OTUD7A: variants seen among roughly 807,000 people sequenced by gnomAD.
OTUD7A encodes OTU domain-containing protein 7A.
Under a neutral mutation model 65.7 loss-of-function variants are expected in OTUD7A, and 12 were observed. The observed-to-expected ratio is 0.18, with a 90% CI of 0.12 to 0.30. The LOEUF (loss-of-function observed/expected upper bound fraction) is 0.30. OTUD7A is among the 10% of genes least tolerant of loss of function. The pLI is 1.00. For synonymous variants in OTUD7A, 641 were observed against 586.3 expected (o/e 1.09, Z -1.35); for missense variants, 1,148 against 1,304.8 (o/e 0.88, Z 1.85).
intron 3 of OTUD7A, among the ~76,000 whole-genome samples, chr15:31,648,081 T>C (rs944984529): frequency 5.9e-5 from 9 of 151,968 alleles, no homozygotes; most frequent in African/African-American, 1.9e-4. Flanking sequence ...TTGGAGGAAA[T>C]GGAGTTACCT....
At chr15:31,611,684 A>C (rs1890427468) in intron 3 of OTUD7A, among the ~76,000 whole-genome samples, 1 of 152,226 alleles carries the variant, frequency 6.6e-6, no homozygotes, top group African/African-American at 2.4e-5. Context: ...AACAAAAAAA[A>C]GTCCAGGACC....
intron 8 of OTUD7A, among the ~76,000 whole-genome samples, chr15:31,516,563 G>A (rs7178830): frequency 0.33 from 50,715 of 151,982 alleles, 8,762 homozygotes; most frequent in Middle Eastern, 0.39. Context: ...TGTAGAGGGT[G>A]TAACAGAAAC....
chr15:31,767,413 C>T, intron 1 of OTUD7A: 4 of 775,286 alleles, frequency 5.2e-6, no homozygotes, highest in Non-Finnish European at 9.6e-6. Context: ...TCAAATCCAA[C>T]ATAAGTTGGA....
At chr15:31,730,116 CCTCT>C (rs1230661155) in intron 1 of OTUD7A, among the ~76,000 whole-genome samples, 1 of 152,206 alleles carries the variant, frequency 6.6e-6, no homozygotes, top group Admixed American at 6.5e-5. Context: ...ACATCTGCTT[CCTCT>C]CTCTCTGCCA....
At position 31,483,952 on chromosome 15, in the gene OTUD7A, C is replaced by A; in HGVS notation, c.2144G>T (p.Arg715Leu). 2 of 1,121,560 alleles carry A rather than the reference C, an allele frequency of 1.8e-6. No homozygotes were observed. Among genetic ancestry groups the A allele is most frequent in the Non-Finnish European group, 2.2e-6 (2 of 909,500 alleles). 69.5% of individuals were successfully genotyped at this position (1,121,560 alleles called of 1,614,324 possible). ...PETEGVPVPE[R>L]ASPGPPTQLV... ...CTGCGTGGGTGGGCCCGGAGAGGCG[C>A]GCTCCGGGACCGGCACGCCCTCCGT... The change falls in exon 13 of 13, where the codon CGC (arginine) becomes CTC (leucine). Residue 715 changes from arginine (R) to leucine (L), a missense_variant. Arg to Leu is a moderately radical substitution (Grantham distance 102). This residue lies in a region of OTUD7A where 842 missense variants were observed against 769.5 expected (regional missense o/e 1.09). Coordinates refer to ENST00000307050, the MANE Select transcript of OTUD7A (RefSeq NM_001382637.1).
At chr15:31,750,129 C>A (rs915053881) in intron 1 of OTUD7A, among the ~76,000 whole-genome samples, 2 of 152,062 alleles carry the variant, frequency 1.3e-5, no homozygotes, top group African/African-American at 4.8e-5. Context: ...AATGTTCGAC[C>A]GGGCATGGTG....
intron 1 of OTUD7A, among the ~76,000 whole-genome samples, chr15:31,724,900 G>A (rs1893842066): frequency 6.6e-6 from 1 of 152,090 alleles, no homozygotes; most frequent in Non-Finnish European, 1.5e-5. Context: ...CAGGGGTGGG[G>A]GGCACGAAAG....
At position 31,736,181 on chromosome 15, in the gene OTUD7A, A is replaced by C. The variant is rs565001699; in HGVS notation, c.-99-79104T>G. ...CCCACAACACAAGTTTACCTTTGTA[A>C]CAAACATGTGCCCCTGAACTTAAAA... On this transcript the variant is annotated intron_variant, in intron 1 of 12. Transcript: ENST00000307050. 1.1e-4 allele frequency among the ~76,000 whole-genome samples: 16 copies of C among 152,326 alleles called. No homozygotes were observed. The East Asian group carries it at 3.1e-3, about 29-fold the overall frequency.
intron 1 of OTUD7A, chr15:31,767,887 T>C: frequency 7.1e-7 from 1 of 1,418,182 alleles, no homozygotes; most frequent in South Asian, 1.2e-5. Flanking sequence ...GTGGCAACGT[T>C]GCAGGAAATC....
At position 31,720,841 on chromosome 15, in the gene OTUD7A, A is replaced by G. The variant is rs1893717933; in HGVS notation, c.-99-63764T>C. 2.0e-5 allele frequency among the ~76,000 whole-genome samples: 3 copies of G among 151,362 alleles called. No individual in the cohort carries two copies. In the South Asian group the frequency reaches 6.4e-4, roughly 32 times the overall value. On this transcript the variant is annotated intron_variant, in intron 1 of 12. Transcript: ENST00000307050. ...GCTCACTCACTGACTCACCCAGAGC[A>G]GCTCCCAGTCCTGCAAGCTCCATCC...
At chr15:31,500,708 C>T (rs1387308144) in intron 10 of OTUD7A, among the ~76,000 whole-genome samples, 1 of 152,222 alleles carries the variant, frequency 6.6e-6, no homozygotes, top group Non-Finnish European at 1.5e-5. Context: ...CTGAGCTGCA[C>T]ACTCAGTGGA....
intron 1 of OTUD7A, among the ~76,000 whole-genome samples, chr15:31,677,950 T>C (rs1333453991): frequency 6.6e-6 from 1 of 152,226 alleles, no homozygotes; most frequent in African/African-American, 2.4e-5. Flanking sequence ...CTGAGTGGCT[T>C]TGATCAAAAT....
rs545872515 is a variant in OTUD7A, at chr15:31,618,600, T to C, written c.151+36496A>G. 3.7e-4 allele frequency among the ~76,000 whole-genome samples: 57 copies of C among 152,348 alleles called. 1 individual carries two copies. The South Asian group carries it at 9.5e-3, about 25-fold the overall frequency. On this transcript the variant is annotated intron_variant, in intron 3 of 12. Transcript: ENST00000307050. ...TTCTTTTGAGAAGCGTCTGTTCATA[T>C]CCTTTGCCCACTTGTTGATGGGGTT...
chr15:31,818,321 A>G (rs1357446703), intron 1 of OTUD7A, among the ~76,000 whole-genome samples: 1 of 152,350 alleles, frequency 6.6e-6, no homozygotes, highest in East Asian at 1.9e-4. Flanking sequence ...TGTATCTTTA[A>G]AAAATAAAAG....
intron 1 of OTUD7A, among the ~76,000 whole-genome samples, chr15:31,667,510 AC>A (rs1270550954): frequency 7.9e-5 from 12 of 152,172 alleles, no homozygotes; most frequent in African/African-American, 2.7e-4. Flanking sequence ...CTTTAAGTTT[AC>A]GTGAGTCCTT....
chr15:31,484,374 C>G lies in OTUD7A; in HGVS notation c.1722G>C (p.Ser574=). The change falls in exon 13 of 13, where the codon TCG becomes TCC. Residue 574 remains serine (S), a synonymous_variant. Transcript: ENST00000307050. This position sits in a 1 kb window ranked among gnomAD's most constrained non-coding sequence, Gnocchi z 4.5. ...CAGACTCCTCCTTGCTGCCCTTGCG[C>G]GACTTGGCCTTCTTCTCCTTGCCCC... ...AERGKEKKAK[S]RKGSKEESGA... The G allele has an allele frequency of 6.2e-7, 1 of 1,601,178 alleles. No individual in the cohort carries two copies. Among genetic ancestry groups the G allele is most frequent in the South Asian group, 1.1e-5 (1 of 91,040 alleles).
intron 1 of OTUD7A, among the ~76,000 whole-genome samples, chr15:31,781,792 T>C (rs1567020140): frequency 6.6e-6 from 1 of 152,218 alleles, no homozygotes; most frequent in Non-Finnish European, 1.5e-5. Flanking sequence ...CTGCTTCCAA[T>C]GAAAATGGCT....
chr15:31,698,122 C>G (rs1893126323), intron 1 of OTUD7A, among the ~76,000 whole-genome samples: 1 of 152,258 alleles, frequency 6.6e-6, no homozygotes, highest in African/African-American at 2.4e-5. Flanking sequence ...TAAAATTATG[C>G]TAGTGACAAT....
In OTUD7A at chr15:31,829,763, G is replaced by C. The variant is rs1475749678; in HGVS notation, c.-100+40744C>G. Among the ~76,000 whole-genome samples, 5 of 152,166 alleles carry C rather than the reference G, an allele frequency of 3.3e-5. No homozygotes were observed. In the East Asian group the frequency reaches 7.7e-4, roughly 23 times the overall value. ...CTGGCACAGGCTGTGTGGAATGGGA[G>C]CTCAGAATCTAAGCAGACTCACAGA... is the stretch of plus-strand genomic sequence containing the variant. On this transcript the variant is annotated intron_variant, in intron 1 of 12. Coordinates refer to ENST00000307050, the MANE Select transcript of OTUD7A (RefSeq NM_001382637.1).
Sources: gnomAD v4.1 joint callset for allele counts (sites outside exome capture counted in the v4.1 genomes callset) on GRCh38, gnomAD v4.1.1 for gene constraint, gnomAD v4.1.1 regional missense constraint, Gnocchi (gnomAD v3.1) non-coding constraint, MANE v1.5 for transcripts, NCBI Gene and HGNC (gene_info 2026-07-23, HGNC 2026-07-21) for gene names.